PCLO: variants seen among roughly 807,000 people sequenced by gnomAD.
PCLO encodes the protein piccolo presynaptic cytomatrix protein.
Under a neutral mutation model 427.5 loss-of-function variants are expected in PCLO, and 82 were observed. That is an observed-to-expected ratio of 0.19 (90% confidence interval 0.16 to 0.23). The LOEUF is 0.23. Among genes scored for constraint, PCLO ranks in the 10% least tolerant of loss-of-function variants. The probability of loss-of-function intolerance (pLI) is 1.00; values close to 1 mark genes in which losing one functional copy is unlikely to be tolerated. For synonymous variants in PCLO, 2,357 were observed against 2,155.4 expected (o/e 1.09, Z -2.59); for missense variants, 6,239 against 6,115.9 (o/e 1.02, Z -0.67).
At chr7:83,128,427 T>C (rs1462919312) in intron 3 of PCLO, among the ~76,000 whole-genome samples, 1 of 152,154 alleles carries the variant, frequency 6.6e-6, no homozygotes, top group Non-Finnish European at 1.5e-5. Context: ...CATCCTAATT[T>C]GAGTTAGCAC....
At chr7:82,859,685 A>G (rs963777437) in intron 10 of PCLO, among the ~76,000 whole-genome samples, 9 of 152,276 alleles carry the variant, frequency 5.9e-5, no homozygotes, top group Admixed American at 5.9e-4. Context: ...AAGGGTCTTC[A>G]ATGCCCAGAC....
intron 3 of PCLO, among the ~76,000 whole-genome samples, chr7:83,132,643 T>A (rs1468431302): frequency 1.3e-5 from 2 of 152,080 alleles, no homozygotes; most frequent in Non-Finnish European, 2.9e-5. Context: ...TACACATATA[T>A]GTAAAATTTT....
At chr7:82,998,738 T>C (rs1357522533) in intron 3 of PCLO, among the ~76,000 whole-genome samples, 1 of 151,854 alleles carries the variant, frequency 6.6e-6, no homozygotes, top group Non-Finnish European at 1.5e-5. Flanking sequence ...CACTTTCTTT[T>C]ACCCAATACA....
intron 6 of PCLO, among the ~76,000 whole-genome samples, chr7:82,938,192 T>G (rs1795000346): frequency 1.3e-5 from 2 of 151,952 alleles, no homozygotes; most frequent in African/African-American, 4.8e-5. Flanking sequence ...ATGTTTAATT[T>G]GCTTTAAAGA....
intron 10 of PCLO, among the ~76,000 whole-genome samples, chr7:82,854,259 G>A (rs959519683): frequency 6.6e-6 from 1 of 151,826 alleles, no homozygotes; most frequent in African/African-American, 2.4e-5. Context: ...CATTTGGATT[G>A]GTTAACTCTG....
At chr7:82,913,852 A>G (rs1423680530) in intron 7 of PCLO, among the ~76,000 whole-genome samples, 1 of 152,066 alleles carries the variant, frequency 6.6e-6, no homozygotes, top group Non-Finnish European at 1.5e-5. Flanking sequence ...ATTTAGGGCA[A>G]ATACATGGGA....
At chr7:83,040,897 T>C (rs543595345) in intron 3 of PCLO, among the ~76,000 whole-genome samples, 3 of 152,172 alleles carry the variant, frequency 2.0e-5, no homozygotes, top group South Asian at 2.1e-4. Context: ...AAACATCACA[T>C]TGCACTCCAT....
Position 83,088,914 on chromosome 7 carries a change from T to C in PCLO, c.3300+45336A>G, listed in dbSNP as rs541806677. ...TCTTTTGAAAAATCAAAAGTGATCA[T>C]AAAAATCCCTAGTGAAAAATCCTTC... is the stretch of plus-strand genomic sequence containing the variant. On this transcript the variant is annotated intron_variant, in intron 3 of 24. Coordinates refer to ENST00000333891, the MANE Select transcript of PCLO (RefSeq NM_033026.6). 2.6e-5 allele frequency among the ~76,000 whole-genome samples: 4 copies of C among 152,222 alleles called. No individual in the cohort carries two copies. In the South Asian group the frequency reaches 8.3e-4, roughly 32 times the overall value.
At position 83,135,128 on chromosome 7, in the gene PCLO, G is replaced by A. The variant is rs764076438; in HGVS notation, c.2422C>T (p.Pro808Ser). 1.9e-6 allele frequency: 3 copies of A among 1,613,892 alleles called. No individual in the cohort carries two copies. Among genetic ancestry groups the A allele is most frequent in the Non-Finnish European group, 2.5e-6 (3 of 1,179,854 alleles). ...AATGGGCTGACTTTTTCCCCTGTTGGTGGAAAACTCTGTGAGGGTTTGGCA... is the reference window on the plus strand; with the variant it reads ...AATGGGCTGACTTTTTCCCCTGTTGATGGAAAACTCTGTGAGGGTTTGGCA... Reference protein sequence around the residue: ...DSAKPSQSFPPTGEKVSPFDS... With the variant: ...DSAKPSQSFPSTGEKVSPFDS... The change falls in exon 3 of 25, where the codon CCA becomes TCA. Residue 808 changes from proline (P) to serine (S), a missense_variant. By Grantham distance (74) the Pro-to-Ser change is moderately conservative. Coordinates refer to ENST00000333891, the MANE Select transcript of PCLO (RefSeq NM_033026.6).
At chr7:82,861,058 A>G (rs1372731373) in intron 10 of PCLO, among the ~76,000 whole-genome samples, 2 of 152,056 alleles carry the variant, frequency 1.3e-5, no homozygotes, top group Non-Finnish European at 1.5e-5. Flanking sequence ...GGAGGAAGAG[A>G]AGACCAGAAA....
chr7:82,878,432 T>C (rs1793425896), intron 10 of PCLO, among the ~76,000 whole-genome samples: 1 of 152,154 alleles, frequency 6.6e-6, no homozygotes, highest in South Asian at 2.1e-4. Flanking sequence ...TAATATTATA[T>C]TTAGAGTAAA....
intron 2 of PCLO, among the ~76,000 whole-genome samples, chr7:83,146,881 C>T (rs1205651109): frequency 5.3e-5 from 8 of 152,018 alleles, no homozygotes; most frequent in African/African-American, 1.7e-4. Flanking sequence ...GGATTACAAG[C>T]ATGAGCCACC....
intron 3 of PCLO, among the ~76,000 whole-genome samples, chr7:83,100,001 A>T (rs1790697192): frequency 6.6e-6 from 1 of 152,180 alleles, no homozygotes; most frequent in Non-Finnish European, 1.5e-5. Flanking sequence ...ATATTAAATA[A>T]TGTTTGCTTA....
At chr7:83,125,953 A>G (rs1003870274) in intron 3 of PCLO, among the ~76,000 whole-genome samples, 2 of 152,226 alleles carry the variant, frequency 1.3e-5, no homozygotes, top group Admixed American at 6.5e-5. Context: ...ACTATTCACA[A>G]TAGCCAATAT....
At chr7:82,945,624 T>C (rs114827556) in intron 6 of PCLO, among the ~76,000 whole-genome samples, 2 of 152,154 alleles carry the variant, frequency 1.3e-5, no homozygotes, top group African/African-American at 2.4e-5. Context: ...GGTACTGTTA[T>C]GAGAGCGCTA....
chr7:82,916,754 G>T lies in PCLO; in HGVS notation c.11232C>A (p.Gly3744=). 8 of 1,613,624 alleles carry T rather than the reference G, an allele frequency of 5.0e-6. 1 individual carries two copies. The highest frequency in any genetic ancestry group is 6.8e-6 in the Non-Finnish European group (8 of 1,179,696). The change falls in exon 7 of 25, where the codon GGC becomes GGA. Residue 3744 remains glycine (G), a synonymous_variant. Coordinates refer to ENST00000333891, the MANE Select transcript of PCLO (RefSeq NM_033026.6). Reference sequence around the variant, plus strand: ...TGCAGATCCTTCTCCTGGAAACTGTGCCCATTGTGCTGAATGTGGATTGAG... The same window carrying T: ...TGCAGATCCTTCTCCTGGAAACTGTTCCCATTGTGCTGAATGTGGATTGAG... ...TGTQSTFSTM[G]TVSRRRICRT...
At chr7:82,958,215 G>A (rs555933717) in intron 4 of PCLO, among the ~76,000 whole-genome samples, 1 of 152,036 alleles carries the variant, frequency 6.6e-6, no homozygotes, top group Non-Finnish European at 1.5e-5. Flanking sequence ...GTGTTGGCAT[G>A]AGCTCTTCTG....
chr7:83,003,139 A>G (rs1156846208), intron 3 of PCLO, among the ~76,000 whole-genome samples: 1 of 151,384 alleles, frequency 6.6e-6, no homozygotes, highest in East Asian at 1.9e-4. Flanking sequence ...TCTCCCATTA[A>G]CATATACATA....
At chr7:82,894,150 C>T (rs1340382077) in intron 9 of PCLO, among the ~76,000 whole-genome samples, 1 of 151,770 alleles carries the variant, frequency 6.6e-6, no homozygotes, top group Non-Finnish European at 1.5e-5. Context: ...AAATAGATTA[C>T]AAAATAAAAT....
Sources: allele counts gnomAD v4.1 joint callset (sites outside exome capture counted in the v4.1 genomes callset), GRCh38; gene constraint gnomAD v4.1.1; transcripts MANE v1.5; gene names NCBI Gene and HGNC (gene_info 2026-07-23, HGNC 2026-07-21).